The following XPR1 variants were observed in gnomAD, a reference collection of about 807,000 sequenced individuals.
XPR1 encodes solute carrier family 53 member 1.
In XPR1, 28 loss-of-function variants were observed where a neutral mutation model predicts 87.5. The ratio of observed to expected loss-of-function variants is 0.32; its 90% CI spans 0.24 to 0.44. The LOEUF (loss-of-function observed/expected upper bound fraction) is 0.44, where lower values mean the gene tolerates loss of function less well. XPR1 is among the 20% of genes least tolerant of loss of function. The probability of loss-of-function intolerance (pLI) is 1.00; values close to 1 mark genes in which losing one functional copy is unlikely to be tolerated. For missense variants in XPR1, 559 were observed against 862.3 expected (o/e 0.65, Z 4.41); for synonymous variants, 300 against 306.1 (o/e 0.98, Z 0.21).
intron 2 of XPR1, among the ~76,000 whole-genome samples, chr1:180,686,249 G>T (rs1656772461): frequency 6.6e-6 from 1 of 152,178 alleles, no homozygotes; most frequent in Admixed American, 6.5e-5. Context: ...TATGTACCCA[G>T]TAGTCATTCA....
chr1:180,746,049 CTCTA>C (rs1659077216), intron 2 of XPR1, among the ~76,000 whole-genome samples: 1 of 152,288 alleles, frequency 6.6e-6, no homozygotes, highest in Admixed American at 6.5e-5. Flanking sequence ...CTTCTGGAGT[CTCTA>C]TCTGTTCCTT....
At chr1:180,820,248 A>T (rs1650577829) in intron 7 of XPR1, among the ~76,000 whole-genome samples, 1 of 152,084 alleles carries the variant, frequency 6.6e-6, no homozygotes, top group South Asian at 2.1e-4. Flanking sequence ...GTTCCCAGAC[A>T]TTTTCATCAG....
intron 11 of XPR1, among the ~76,000 whole-genome samples, chr1:180,863,449 T>G (rs1445580774): frequency 1.3e-5 from 2 of 152,318 alleles, no homozygotes; most frequent in Admixed American, 1.3e-4. Context: ...TTTTTATGTA[T>G]TCAGCATAGA....
intron 11 of XPR1, among the ~76,000 whole-genome samples, chr1:180,837,433 G>A (rs1651333792): frequency 6.6e-6 from 1 of 151,906 alleles, no homozygotes; most frequent in African/African-American, 2.4e-5. Flanking sequence ...GAAATTAATA[G>A]TTATTTTTAA....
At chr1:180,721,626 C>T (rs1658182691) in intron 2 of XPR1, among the ~76,000 whole-genome samples, 1 of 152,160 alleles carries the variant, frequency 6.6e-6, no homozygotes, top group Non-Finnish European at 1.5e-5. Flanking sequence ...GACCCTTGAG[C>T]AACATAGATG....
At chr1:180,873,483 A>G (rs143453675) in intron 12 of XPR1, among the ~76,000 whole-genome samples, 3 of 152,228 alleles carry the variant, frequency 2.0e-5, no homozygotes, top group Non-Finnish European at 2.9e-5. Context: ...TCAATCAAGG[A>G]TCTTAACCAG....
chr1:180,808,997 C>T (rs951078038), intron 6 of XPR1, among the ~76,000 whole-genome samples: 6 of 152,134 alleles, frequency 3.9e-5, no homozygotes, highest in Non-Finnish European at 5.9e-5. Context: ...TTCATAGCAT[C>T]TAAACAACCC....
At chr1:180,866,404 C>T (rs541898227) in intron 12 of XPR1, among the ~76,000 whole-genome samples, 23 of 152,220 alleles carry the variant, frequency 1.5e-4, no homozygotes, top group African/African-American at 5.5e-4. Flanking sequence ...TATTAAGCAC[C>T]ACATCCCAGG....
At chr1:180,816,645 T>C (rs1650422259) in intron 7 of XPR1, among the ~76,000 whole-genome samples, 1 of 152,132 alleles carries the variant, frequency 6.6e-6, no homozygotes, top group Admixed American at 6.5e-5. Context: ...AACTGAAAAA[T>C]TGCTGTTGCA....
Position 180,806,069 on chromosome 1 carries a change from A to G in XPR1, c.455A>G (p.Asn152Ser). Residue 152 changes from asparagine (N) to serine (S), a missense_variant, in exon 5 of 15, where the codon AAT becomes AGT. Transcript: ENST00000367590. ...LILLQNYQNLNFTGFRKILKK... is the reference protein window; with the variant it reads ...LILLQNYQNLSFTGFRKILKK... ...TCTCATTTCTTTCTGTAGAATCTGA[A>G]TTTTACAGGGTTTCGAAAAATCCTG... The G allele has an allele frequency of 6.2e-7, 1 of 1,612,218 alleles. No individual in the cohort carries two copies. The highest frequency in any genetic ancestry group is 8.5e-7 in the Non-Finnish European group (1 of 1,179,202).
rs531894425 is a variant in XPR1 at position 180,673,160 on chromosome 1, A to C, written c.70-9200A>C. ...CTGATCTCCTTTAAATGGTTTGTGA[A>C]ACCCATTTGTGCCTTGGAAAGGAGA... On this transcript the variant is annotated intron_variant, in intron 1 of 14. Coordinates refer to ENST00000367590, the MANE Select transcript of XPR1 (RefSeq NM_004736.4). 8.5e-4 allele frequency among the ~76,000 whole-genome samples: 129 copies of C among 152,270 alleles called. 1 individual carries two copies. The highest frequency in any genetic ancestry group is 3.0e-3 in the African/African-American group (124 of 41,554).
intron 2 of XPR1, among the ~76,000 whole-genome samples, chr1:180,781,864 C>A (rs1160754711): frequency 1.3e-5 from 2 of 151,836 alleles, no homozygotes; most frequent in African/African-American, 2.4e-5. Context: ...GGCACGAACT[C>A]GGCTCACTGC....
chr1:180,773,729 C>T (rs901960971), intron 2 of XPR1, among the ~76,000 whole-genome samples: 20 of 152,246 alleles, frequency 1.3e-4, no homozygotes, highest in African/African-American at 3.6e-4. Flanking sequence ...GTTTTCTTTT[C>T]CTTTTTCCCT....
rs1350748328 is a variant in XPR1 at position 180,889,444 on chromosome 1, C to T, written c.*5378C>T. On this transcript the variant is annotated 3_prime_UTR_variant, in exon 15 of 15. Coordinates refer to ENST00000367590, the MANE Select transcript of XPR1 (RefSeq NM_004736.4). Reference sequence around the variant, plus strand: ...AGTACTTCTAGAAAGTTGTGGACTTCTAAGAAAGAGCCAGGCTTCCATCTC... The same window carrying T: ...AGTACTTCTAGAAAGTTGTGGACTTTTAAGAAAGAGCCAGGCTTCCATCTC... 1 of 152,226 alleles carries T rather than the reference C, an allele frequency of 6.6e-6. No individual in the cohort carries two copies. The highest frequency in any genetic ancestry group is 2.4e-5 in the African/African-American group (1 of 41,458). 9.4% of individuals were successfully genotyped at this position (152,226 alleles called of 1,614,324 possible).
intron 2 of XPR1, among the ~76,000 whole-genome samples, chr1:180,716,067 A>C (rs1657982905): frequency 6.6e-6 from 1 of 152,122 alleles, no homozygotes; most frequent in African/African-American, 2.4e-5. Flanking sequence ...CTAGAGTGGA[A>C]TGTCATATAA....
intron 11 of XPR1, among the ~76,000 whole-genome samples, chr1:180,853,965 A>G (rs984167033): frequency 7.9e-5 from 12 of 152,238 alleles, no homozygotes; most frequent in Admixed American, 3.9e-4. Context: ...TTTAAACATC[A>G]TTGTGACACT....
chr1:180,657,203 A>G (rs924795157), intron 1 of XPR1, among the ~76,000 whole-genome samples: 7 of 151,734 alleles, frequency 4.6e-5, no homozygotes, highest in African/African-American at 1.7e-4. Flanking sequence ...TTTTTTTCCT[A>G]TAGAGTTATT....
At chr1:180,649,521 C>A (rs752598450) in intron 1 of XPR1, among the ~76,000 whole-genome samples, 2 of 152,182 alleles carry the variant, frequency 1.3e-5, no homozygotes, top group Non-Finnish European at 2.9e-5. Context: ...ATGATATATG[C>A]AAATGCTCTG....
intron 2 of XPR1, among the ~76,000 whole-genome samples, chr1:180,773,541 T>G (rs1486921406): frequency 6.6e-6 from 1 of 152,252 alleles, no homozygotes; most frequent in Non-Finnish European, 1.5e-5. Context: ...GTTATTAGAC[T>G]TAAAATGTAA....
Sources: allele counts gnomAD v4.1 joint callset (sites outside exome capture counted in the v4.1 genomes callset), GRCh38; gene constraint gnomAD v4.1.1; transcripts MANE v1.5; gene names NCBI Gene and HGNC (gene_info 2026-07-23, HGNC 2026-07-21).